The following POLR1D variants were observed in gnomAD, a reference collection of about 807,000 sequenced individuals.
The protein encoded by POLR1D is RNA polymerase I and III subunit D.
A neutral mutation model predicts 10.8 loss-of-function variants in POLR1D; 8 were observed. That is an observed-to-expected ratio of 0.74 (90% CI 0.43 to 1.33). The LOEUF (loss-of-function observed/expected upper bound fraction) is 1.33, where lower values mean the gene tolerates loss of function less well. Among genes scored for constraint, POLR1D ranks in the 40% most tolerant of loss-of-function variants. The pLI is 0.01. For synonymous variants in POLR1D, 54 were observed against 57.2 expected (o/e 0.94, Z 0.25); for missense variants, 152 against 161.7 (o/e 0.94, Z 0.32).
chr13:27,657,278 C>T (rs1956317042), intron 2 of POLR1D, among the ~76,000 whole-genome samples: 1 of 152,054 alleles, frequency 6.6e-6, no homozygotes, highest in Non-Finnish European at 1.5e-5. Context: ...ACCAGTAATC[C>T]TAGCACTTTG....
chr13:27,665,993 C>T, exon 3 of POLR1D: 1 of 1,602,748 alleles, frequency 6.2e-7, no homozygotes, highest in South Asian at 1.1e-5. Flanking sequence ...GGCCTCCGTG[C>T]TCCTTCGGGG....
At chr13:27,654,451 A>G (rs971346159) in intron 2 of POLR1D, among the ~76,000 whole-genome samples, 5 of 152,230 alleles carry the variant, frequency 3.3e-5, no homozygotes, top group African/African-American at 1.2e-4. Flanking sequence ...TTAAGTGTCA[A>G]GGGAACCTGT....
intron 1 of POLR1D, among the ~76,000 whole-genome samples, chr13:27,629,447 A>T (rs566833344): frequency 3.9e-5 from 6 of 152,344 alleles, no homozygotes; most frequent in African/African-American, 1.4e-4. Context: ...AATCAATGTT[A>T]GCTATTAATG....
intron 1 of POLR1D, among the ~76,000 whole-genome samples, chr13:27,633,530 T>A (rs747246457): frequency 6.6e-6 from 1 of 152,224 alleles, no homozygotes; most frequent in Non-Finnish European, 1.5e-5. Context: ...GAAATCCTAG[T>A]CTTTATTTAG....
chr13:27,650,605 C>G (rs1956260080), intron 2 of POLR1D: 1 of 152,340 alleles, frequency 6.6e-6, no homozygotes, highest in Non-Finnish European at 1.5e-5. Context: ...TGGGCCAAAC[C>G]AAACTCTTGA....
Position 27,663,916 on chromosome 13 carries a change from C to T in POLR1D, c.102-1770C>T, listed in dbSNP as rs1462049931. Reference sequence around the variant, plus strand: ...TTTTGCTCTTGTAGTAAGCACCAGGCCACCATTGCCAAAGACAGGCCCTCT... The same window carrying T: ...TTTTGCTCTTGTAGTAAGCACCAGGTCACCATTGCCAAAGACAGGCCCTCT... On this transcript the variant is annotated intron_variant, in intron 2 of 2. Transcript: ENST00000399697. The surrounding 1 kb of genome is among the most constrained non-coding windows in gnomAD (Gnocchi z 4.1). 6.6e-6 allele frequency among the ~76,000 whole-genome samples: 1 copy of T among 152,194 alleles called. No individual in the cohort carries two copies. The highest frequency in any genetic ancestry group is 2.4e-5 in the African/African-American group (1 of 41,456).
intron 2 of POLR1D, among the ~76,000 whole-genome samples, chr13:27,661,081 G>A (rs1956359802): frequency 6.6e-6 from 1 of 152,180 alleles, no homozygotes; most frequent in Admixed American, 6.5e-5. Context: ...AAGATGAAAA[G>A]CTTATAATTC....
intron 1 of POLR1D, chr13:27,648,160 C>A: frequency 1.0e-5 from 4 of 395,398 alleles, no homozygotes; most frequent in Non-Finnish European, 9.4e-6. Context: ...AATATTTTTC[C>A]AGTTTGTAAT....
At chr13:27,622,087 T>A in intron 1 of POLR1D, 78 bp downstream of exon 1, 2 of 1,274,672 alleles carry the variant, frequency 1.6e-6, no homozygotes, top group Non-Finnish European at 2.2e-6. Flanking sequence ...CTGCCTGGCC[T>A]GGCAGCCGGG....
downstream of POLR1D, among the ~76,000 whole-genome samples, chr13:27,624,260 C>A (rs1428039952): frequency 6.6e-6 from 1 of 152,158 alleles, no homozygotes; most frequent in Non-Finnish European, 1.5e-5. Flanking sequence ...CTGGCCTTGG[C>A]ATTTACTATG....
chr13:27,653,143 GC>G (rs148781460), intron 2 of POLR1D, among the ~76,000 whole-genome samples: 12,236 of 151,586 alleles, frequency 0.081, 642 homozygotes, highest in Non-Finnish European at 0.11. Context: ...CCTAGTGATC[GC>G]CTGCCTTGGC....
At position 27,623,009 on chromosome 13, in the gene POLR1D, C is replaced by G. The variant is rs749563986; in HGVS notation, c.161C>G (p.Ser54Cys). ...GAGGAAGACCATACCCTAGGAAATT[C>G]TCTACGTTACATGATCATGAAGAAC... is the stretch of plus-strand genomic sequence containing the variant. Reference protein sequence around the residue: ...LHEEDHTLGNSLRYMIMKNPE... With the variant: ...LHEEDHTLGNCLRYMIMKNPE... The change falls in exon 2 of 2, where the codon TCT (serine) becomes TGT (cysteine). Residue 54 changes from serine (S) to cysteine (C), a missense_variant. Ser to Cys is a moderately radical substitution (Grantham distance 112). Coordinates refer to ENST00000302979, the MANE Select transcript of POLR1D (RefSeq NM_015972.4). 3 of 1,614,002 alleles carry G rather than the reference C, an allele frequency of 1.9e-6. No individual in the cohort carries two copies.
At chr13:27,635,855 G>A (rs1229666342) in intron 1 of POLR1D, among the ~76,000 whole-genome samples, 1 of 151,832 alleles carries the variant, frequency 6.6e-6, no homozygotes, top group East Asian at 1.9e-4. Flanking sequence ...GAGCTAGTAG[G>A]TGCGGAACTG....
At chr13:27,630,407 A>C (rs1481839920) in intron 1 of POLR1D, among the ~76,000 whole-genome samples, 2 of 152,224 alleles carry the variant, frequency 1.3e-5, no homozygotes, top group African/African-American at 4.8e-5. Context: ...CTAATTACAC[A>C]GAGATTGAAC....
intron 1 of POLR1D, among the ~76,000 whole-genome samples, chr13:27,639,925 G>A (rs1356162086): frequency 6.6e-6 from 1 of 152,136 alleles, no homozygotes; most frequent in African/African-American, 2.4e-5. Context: ...TTGTAATAGA[G>A]CCGTAGTGTA....
At chr13:27,644,444 C>G (rs1439810191) in intron 1 of POLR1D, among the ~76,000 whole-genome samples, 4 of 152,192 alleles carry the variant, frequency 2.6e-5, no homozygotes, top group Non-Finnish European at 5.9e-5. Flanking sequence ...ATTCCTTAAG[C>G]ATGTACCAGC....
exon 3 of POLR1D, chr13:27,666,528 G>A (rs1008170605): frequency 1.1e-4 from 17 of 152,178 alleles, no homozygotes; most frequent in African/African-American, 4.1e-4. Context: ...TCAGTTACCA[G>A]AGGTTAAAAA....
At chr13:27,661,307 G>C (rs926078973) in intron 2 of POLR1D, among the ~76,000 whole-genome samples, 8 of 152,208 alleles carry the variant, frequency 5.3e-5, no homozygotes, top group African/African-American at 1.9e-4. Flanking sequence ...CCAGTCTCAT[G>C]ATATTTAGGG....
chr13:27,656,219 T>G (rs538856668), intron 2 of POLR1D, among the ~76,000 whole-genome samples: 1 of 152,252 alleles, frequency 6.6e-6, no homozygotes, highest in South Asian at 2.1e-4. Context: ...AAAAGTTAAC[T>G]TGTGAAAAGA....
Sources: allele counts gnomAD v4.1 joint callset (sites outside exome capture counted in the v4.1 genomes callset), GRCh38; gene constraint gnomAD v4.1.1; non-coding constraint Gnocchi (gnomAD v3.1); transcripts MANE v1.5; gene names NCBI Gene and HGNC (gene_info 2026-07-23, HGNC 2026-07-21).